The following GRID1 variants were observed in gnomAD, a reference collection of about 807,000 sequenced individuals.
GRID1 encodes the protein glutamate ionotropic receptor delta type subunit 1, also known as glutamate receptor ionotropic, delta-1.
In GRID1, 28 loss-of-function variants were observed where a neutral mutation model predicts 98.0. That is an observed-to-expected ratio of 0.29 (90% confidence interval 0.21 to 0.39). The LOEUF (loss-of-function observed/expected upper bound fraction) is 0.39. Ranked by LOEUF, GRID1 falls within the 10% of genes least tolerant of loss-of-function variation. The probability of loss-of-function intolerance (pLI) is 1.00; values close to 1 mark genes in which losing one functional copy is unlikely to be tolerated. For synonymous variants in GRID1, 553 were observed against 538.5 expected, an observed-to-expected ratio of 1.03 and a Z score of -0.37; for missense variants, 1,111 against 1,340.5, an observed-to-expected ratio of 0.83 and a Z score of 2.67.
At position 85,884,611 on chromosome 10, in the gene GRID1, C is replaced by G. The variant is rs117503570; in HGVS notation, c.781-15431G>C. On this transcript the variant is annotated intron_variant, in intron 5 of 15. Transcript: ENST00000327946. ...TTTGTTTGTTGCTTCAGAAATATATCCCTAAATTTCTGTTACTTCCTCTCC... is the reference window on the plus strand; with the variant it reads ...TTTGTTTGTTGCTTCAGAAATATATGCCTAAATTTCTGTTACTTCCTCTCC... 2.0e-5 allele frequency among the ~76,000 whole-genome samples: 3 copies of G among 152,262 alleles called. No individual in the cohort carries two copies. The East Asian group carries it at 5.8e-4, about 29-fold the overall frequency.
intron 8 of GRID1, among the ~76,000 whole-genome samples, chr10:85,841,317 A>G (rs1842959671): frequency 6.6e-6 from 1 of 152,126 alleles, no homozygotes; most frequent in Non-Finnish European, 1.5e-5. Flanking sequence ...TCCTTTCACC[A>G]TACACAAAAA....
At chr10:86,018,355 A>T (rs1055698167) in intron 4 of GRID1, among the ~76,000 whole-genome samples, 15 of 152,372 alleles carry the variant, frequency 9.8e-5, no homozygotes, top group African/African-American at 3.6e-4. Flanking sequence ...GTGTGAGGAA[A>T]GCAGACTGGC....
chr10:85,868,484 G>A (rs760971549), intron 6 of GRID1, among the ~76,000 whole-genome samples: 16 of 152,146 alleles, frequency 1.1e-4, no homozygotes, highest in East Asian at 1.9e-4. Context: ...GGAACCATGC[G>A]GGTGGGGTTC....
intron 12 of GRID1, among the ~76,000 whole-genome samples, chr10:85,665,743 C>A (rs542911051): frequency 6.6e-6 from 1 of 152,162 alleles, no homozygotes; most frequent in Non-Finnish European, 1.5e-5. Context: ...TCTCTCCCTT[C>A]GTGATATAAA....
intron 2 of GRID1, among the ~76,000 whole-genome samples, chr10:86,239,354 C>T (rs543933697): frequency 7.2e-5 from 11 of 152,318 alleles, no homozygotes; most frequent in Admixed American, 6.5e-4. Context: ...AGCTTGCAGG[C>T]TCATAGGCAG....
At chr10:86,125,194 G>T (rs180999876) in intron 4 of GRID1, among the ~76,000 whole-genome samples, 1 of 152,350 alleles carries the variant, frequency 6.6e-6, no homozygotes, top group Admixed American at 6.5e-5. Context: ...CCACGTGACT[G>T]CCAATGGGCA....
chr10:86,299,117 C>T (rs1847640646), intron 2 of GRID1, among the ~76,000 whole-genome samples: 1 of 151,950 alleles, frequency 6.6e-6, no homozygotes, highest in African/African-American at 2.4e-5. Context: ...GAGGTAACGT[C>T]ACATACAACC....
intron 2 of GRID1, among the ~76,000 whole-genome samples, chr10:86,278,481 G>A (rs937366268): frequency 4.0e-5 from 6 of 151,864 alleles, no homozygotes; most frequent in Non-Finnish European, 7.4e-5. Flanking sequence ...GAAAATCAAG[G>A]AAACCAAAAG....
intron 2 of GRID1, among the ~76,000 whole-genome samples, chr10:86,277,411 C>T (rs1327455876): frequency 1.3e-5 from 2 of 152,170 alleles, no homozygotes; most frequent in African/African-American, 4.8e-5. Context: ...AAGGTAACTA[C>T]ACGGGCAAAC....
intron 4 of GRID1, among the ~76,000 whole-genome samples, chr10:85,980,175 G>C (rs1842527008): frequency 6.6e-6 from 1 of 152,198 alleles, no homozygotes; most frequent in African/African-American, 2.4e-5. Flanking sequence ...TTACCCGTCA[G>C]ACCCCAGCTG....
intron 4 of GRID1, among the ~76,000 whole-genome samples, chr10:85,947,149 G>A (rs1842063813): frequency 6.6e-6 from 1 of 152,148 alleles, no homozygotes; most frequent in Non-Finnish European, 1.5e-5. Context: ...TGCATTCTCT[G>A]CCCCCACACA....
intron 2 of GRID1, among the ~76,000 whole-genome samples, chr10:86,210,098 G>A (rs912825360): frequency 6.6e-6 from 1 of 152,110 alleles, no homozygotes; most frequent in Non-Finnish European, 1.5e-5. Flanking sequence ...AACTGGAGGA[G>A]AGAGAAAGGA....
chr10:85,647,766 G>A (rs1317012651), intron 12 of GRID1: 1 of 174,244 alleles, frequency 5.7e-6, no homozygotes, highest in Non-Finnish European at 1.2e-5. Context: ...AAAGAGTCAG[G>A]GCAACATGGG....
At chr10:86,097,448 A>C (rs1338763949) in intron 4 of GRID1, among the ~76,000 whole-genome samples, 1 of 152,194 alleles carries the variant, frequency 6.6e-6, no homozygotes, top group Non-Finnish European at 1.5e-5. Flanking sequence ...TCATCTATCT[A>C]TCATCTGTCT....
rs368572646 is a variant in GRID1 at position 86,206,377 on chromosome 10, G to A, written c.507C>T (p.Tyr169=). 87 of 1,603,962 alleles carry A rather than the reference G, an allele frequency of 5.4e-5. No individual in the cohort carries two copies. The highest frequency in any genetic ancestry group is 3.2e-4 in the South Asian group (29 of 90,298). The change falls in exon 3 of 16, where the codon TAC becomes TAT. Residue 169 remains tyrosine, a synonymous_variant. Transcript: ENST00000327946. This position sits in a 1 kb window ranked among gnomAD's most constrained non-coding sequence, Gnocchi z 4.1. Reference sequence around the variant, plus strand: ...CGGACAACTCACCATACTCGCTGTCGTAGAACATGACGAACTTCTGCCAGC... The same window carrying A: ...CGGACAACTCACCATACTCGCTGTCATAGAACATGACGAACTTCTGCCAGC... ...ELRWQKFVMF[Y]DSEYDIRGLQ...
intron 12 of GRID1, among the ~76,000 whole-genome samples, chr10:85,662,763 A>C (rs1840980451): frequency 6.6e-6 from 1 of 152,176 alleles, no homozygotes; most frequent in South Asian, 2.1e-4. Context: ...TGCCGCCATG[A>C]AAAGGTTCTC....
intron 4 of GRID1, among the ~76,000 whole-genome samples, chr10:86,042,902 A>T (rs1843366735): frequency 6.6e-6 from 1 of 152,084 alleles, no homozygotes; most frequent in Non-Finnish European, 1.5e-5. Flanking sequence ...CCAGGGCAAC[A>T]TAGTAAGACC....
chr10:85,721,441 C>A (rs1016294797), intron 12 of GRID1, among the ~76,000 whole-genome samples: 8 of 152,128 alleles, frequency 5.3e-5, no homozygotes, highest in African/African-American at 1.7e-4. Context: ...TTGGAAGCAA[C>A]CCAGATGTCC....
intron 2 of GRID1, among the ~76,000 whole-genome samples, chr10:86,314,153 AG>A (rs1847868550): frequency 6.6e-6 from 1 of 152,164 alleles, no homozygotes; most frequent in Admixed American, 6.5e-5. Flanking sequence ...AGTGGCTTCC[AG>A]CTCTTCACTC....
Sources: gnomAD v4.1 joint callset for allele counts (sites outside exome capture counted in the v4.1 genomes callset) on GRCh38, gnomAD v4.1.1 for gene constraint, Gnocchi (gnomAD v3.1) non-coding constraint, MANE v1.5 for transcripts, NCBI Gene and HGNC (gene_info 2026-07-23, HGNC 2026-07-21) for gene names.